The following TMEM63C variants were observed in gnomAD, a reference collection of about 807,000 sequenced individuals.
The protein encoded by TMEM63C is transmembrane protein 63C.
Under a neutral mutation model 99.2 loss-of-function variants are expected in TMEM63C, and 32 were observed. That is an observed-to-expected ratio of 0.32 (90% CI 0.24 to 0.43). The LOEUF is 0.43. TMEM63C is among the 20% of genes least tolerant of loss of function. TMEM63C has a pLI of 1.00. For missense variants in TMEM63C, 826 were observed against 1,053.0 expected, an observed-to-expected ratio of 0.78 and a Z score of 2.98; for synonymous variants, 376 against 397.9, an observed-to-expected ratio of 0.94 and a Z score of 0.66.
intron 16 of TMEM63C, among the ~76,000 whole-genome samples, chr14:77,245,526 A>G (rs1889255243): frequency 6.6e-6 from 1 of 152,200 alleles, no homozygotes; most frequent in Admixed American, 6.5e-5. Flanking sequence ...AGACATACTC[A>G]AGACTGGGTA....
At position 77,256,741 on chromosome 14, in the gene TMEM63C, C is replaced by T. The variant is rs1047573666; in HGVS notation, c.*15C>T. The T allele has an allele frequency of 3.1e-6, 5 of 1,611,674 alleles. No individual in the cohort carries two copies. In the African/African-American group the frequency reaches 5.3e-5, roughly 17 times the overall value. ...AGTACCACTGACCGGGACCTGAGGC[C>T]TCCACTGGCGACTTGTTGAGGGGTC... On this transcript the variant is annotated 3_prime_UTR_variant, in exon 24 of 24. Coordinates refer to ENST00000298351, the MANE Select transcript of TMEM63C (RefSeq NM_020431.4).
At position 77,249,447 on chromosome 14, in the gene TMEM63C, T is replaced by G; in HGVS notation, c.2027T>G (p.Ile676Ser). ...CTGTTCTGGATGCTGTTCTTCTCCA[T>G]CCTGCGGTTGGGTAGGTACCAAGCC... ...LGLFWMLFFS[I>S]LRLGSLHAIT... The change falls in exon 21 of 24, where the codon ATC (isoleucine) becomes AGC (serine). Residue 676 changes from isoleucine (I) to serine (S), a missense_variant. By Grantham distance (142) the Ile-to-Ser change is moderately radical. Transcript: ENST00000298351. 6.2e-7 allele frequency: 1 copy of G among 1,614,036 alleles called. No homozygotes were observed. The highest frequency in any genetic ancestry group is 8.5e-7 in the Non-Finnish European group (1 of 1,179,894).
chr14:77,205,893 A>C (rs4021325), intron 1 of TMEM63C, among the ~76,000 whole-genome samples: 3,814 of 152,152 alleles, frequency 0.025, 56 homozygotes, highest in Middle Eastern at 0.075. Flanking sequence ...TGCTAGCTGT[A>C]TGACCCTGGG....
chr14:77,193,913 T>C (rs1888155285), intron 1 of TMEM63C, among the ~76,000 whole-genome samples: 1 of 151,714 alleles, frequency 6.6e-6, no homozygotes, highest in Non-Finnish European at 1.5e-5. Flanking sequence ...GGTGGAAAGA[T>C]CACTTGAGCC....
chr14:77,244,812 G>A (rs992233211), intron 16 of TMEM63C, among the ~76,000 whole-genome samples: 3 of 152,216 alleles, frequency 2.0e-5, no homozygotes, highest in African/African-American at 7.2e-5. Flanking sequence ...AGGCACAGGA[G>A]GAAAGACTTG....
chr14:77,194,529 C>T (rs1424617269), intron 1 of TMEM63C, among the ~76,000 whole-genome samples: 2 of 41,338 alleles, frequency 4.8e-5, no homozygotes, highest in African/African-American at 2.5e-4. Context: ...TTCTTTCTTT[C>T]TTTCTTTCTT....
chr14:77,219,181 T>C (rs113418938), intron 3 of TMEM63C, among the ~76,000 whole-genome samples: 2,818 of 152,326 alleles, frequency 0.018, 90 homozygotes, highest in African/African-American at 0.064. Context: ...TGTGCATCAT[T>C]GTCCAGAGGT....
At position 77,256,864 on chromosome 14, in the gene TMEM63C, C is replaced by T. The variant is rs1286311692; in HGVS notation, c.*138C>T. 4 of 800,712 alleles carry T rather than the reference C, an allele frequency of 5.0e-6. No homozygotes were observed. In the African/African-American group the frequency reaches 6.9e-5, roughly 14 times the overall value. The allele number at this position is 800,712 out of a possible 1,614,324, so 49.6% of individuals were successfully genotyped here. On this transcript the variant is annotated 3_prime_UTR_variant, in exon 24 of 24. Transcript: ENST00000298351. ...GCCCACAGTGGAGACATCCACCACC[C>T]CAGCCATGGGCCATACGGGGGTCCT...
chr14:77,215,042 G>A (rs113659617), intron 2 of TMEM63C, among the ~76,000 whole-genome samples: 1,974 of 152,192 alleles, frequency 0.013, 44 homozygotes, highest in African/African-American at 0.045. Flanking sequence ...CTGGGGGGAA[G>A]CCTCTACCCC....
intron 9 of TMEM63C, among the ~76,000 whole-genome samples, chr14:77,237,281 C>A (rs894906413): frequency 3.3e-5 from 5 of 152,106 alleles, no homozygotes; most frequent in African/African-American, 7.2e-5. Flanking sequence ...GCCCTGCCCA[C>A]CCCTGCTAGG....
chr14:77,245,376 C>T (rs1383313151), intron 16 of TMEM63C, among the ~76,000 whole-genome samples: 1 of 152,172 alleles, frequency 6.6e-6, no homozygotes, highest in Non-Finnish European at 1.5e-5. Context: ...ACCAATTTCC[C>T]AGCCCAGACC....
At chr14:77,247,262 G>A (rs907021426) in intron 18 of TMEM63C, among the ~76,000 whole-genome samples, 2 of 151,942 alleles carry the variant, frequency 1.3e-5, no homozygotes, top group African/African-American at 2.4e-5. Flanking sequence ...GTGCAGTGGC[G>A]CAATCTCGGC....
intron 1 of TMEM63C, among the ~76,000 whole-genome samples, chr14:77,190,889 C>T (rs1888093904): frequency 6.6e-6 from 1 of 151,818 alleles, no homozygotes; most frequent in African/African-American, 2.4e-5. Context: ...TACAAGCCAA[C>T]ACAAATTTTG....
At chr14:77,191,756 C>G (rs773741916) in intron 1 of TMEM63C, among the ~76,000 whole-genome samples, 1 of 151,726 alleles carries the variant, frequency 6.6e-6, no homozygotes, top group Non-Finnish European at 1.5e-5. Context: ...GTTGGTCAGG[C>G]TGGTCTCGAA....
At chr14:77,215,794 C>G (rs1257671840) in intron 2 of TMEM63C, among the ~76,000 whole-genome samples, 1 of 152,128 alleles carries the variant, frequency 6.6e-6, no homozygotes, top group African/African-American at 2.4e-5. Context: ...CCAAGCCTCC[C>G]GCAGTCTCAC....
chr14:77,237,503 G>T (rs575986189), intron 9 of TMEM63C, among the ~76,000 whole-genome samples: 34 of 152,212 alleles, frequency 2.2e-4, no homozygotes, highest in African/African-American at 8.2e-4. Context: ...TACCCCTGTG[G>T]GCAAGTGGAG....
At position 77,246,615 on chromosome 14, in the gene TMEM63C, T is replaced by C. The variant is rs752951933; in HGVS notation, c.1542T>C (p.Asp514=). ...ILPSMGLTSL[D]VFLRWLFDIY... ...GCCTTGTTTTTGCTTCTAGTTTGGATGTCTTTCTCCGCTGGCTCTTTGACA... is the reference window on the plus strand; with the variant it reads ...GCCTTGTTTTTGCTTCTAGTTTGGACGTCTTTCTCCGCTGGCTCTTTGACA... The change falls in exon 18 of 24, where the codon GAT becomes GAC. Residue 514 remains aspartate, a synonymous_variant. Transcript: ENST00000298351. 1 of 1,612,984 alleles carries C rather than the reference T, an allele frequency of 6.2e-7. No individual in the cohort carries two copies. Among genetic ancestry groups the C allele is most frequent in the Non-Finnish European group, 8.5e-7 (1 of 1,179,454 alleles).
chr14:77,238,320 G>A (rs967946813), intron 9 of TMEM63C, among the ~76,000 whole-genome samples: 15 of 152,300 alleles, frequency 9.8e-5, no homozygotes, highest in African/African-American at 3.4e-4. Context: ...GGGTCGCTCT[G>A]GCAGCTCTTT....
chr14:77,188,392 T>A (rs191018544), intron 1 of TMEM63C, among the ~76,000 whole-genome samples: 1 of 152,250 alleles, frequency 6.6e-6, no homozygotes, highest in African/African-American at 2.4e-5. Context: ...ATAATAACAT[T>A]CTGTGAAAAT....
Sources: allele counts gnomAD v4.1 joint callset (sites outside exome capture counted in the v4.1 genomes callset), GRCh38; gene constraint gnomAD v4.1.1; transcripts MANE v1.5; gene names NCBI Gene and HGNC (gene_info 2026-07-23, HGNC 2026-07-21).